Variants in SRL observed in about 807,000 individuals in gnomAD.
The protein encoded by SRL is sarcalumenin.
SRL carries 23 observed loss-of-function variants against 39.5 expected under a neutral mutation model. That is an observed-to-expected ratio of 0.58 (90% CI 0.42 to 0.82). The LOEUF (loss-of-function observed/expected upper bound fraction) is 0.82. Ranked by LOEUF, SRL falls within the 40% of genes least tolerant of loss-of-function variation. SRL has a pLI of 0.00. For missense variants in SRL, 592 were observed against 607.8 expected, an observed-to-expected ratio of 0.97 and a Z score of 0.27; for synonymous variants, 272 against 237.4, an observed-to-expected ratio of 1.15 and a Z score of -1.34.
intron 1 of SRL, among the ~76,000 whole-genome samples, chr16:4,206,175 GC>G (rs1343354488): frequency 6.6e-6 from 1 of 152,124 alleles, no homozygotes; most frequent in Non-Finnish European, 1.5e-5. Context: ...CTGGCCCCGA[GC>G]CCTTTGAGGG....
Position 4,228,657 on chromosome 16 carries a change from C to T in SRL, c.61+13350G>A, listed in dbSNP as rs2052623459. On this transcript the variant is annotated intron_variant, in intron 1 of 5. Coordinates refer to ENST00000399609, the MANE Select transcript of SRL (RefSeq NM_001098814.2). ...GGTTGAGGCAGGAGAATGGAGTGAA[C>T]CCAGGAGGCGGAGCTTGCAGTGAGC... is the stretch of plus-strand genomic sequence containing the variant. Among the ~76,000 whole-genome samples the T allele has an allele frequency of 2.0e-5, 3 of 152,062 alleles. No homozygotes were observed. The South Asian group carries it at 6.2e-4, about 32-fold the overall frequency.
intron 3 of SRL, among the ~76,000 whole-genome samples, chr16:4,198,257 C>T (rs114405956): frequency 0.011 from 1,640 of 152,288 alleles, 23 homozygotes; most frequent in African/African-American, 0.036. Context: ...GAAAGGAGGA[C>T]GGAGCTTCCA....
At chr16:4,217,840 C>G (rs932754194) in intron 1 of SRL, among the ~76,000 whole-genome samples, 1 of 152,150 alleles carries the variant, frequency 6.6e-6, no homozygotes, top group Non-Finnish European at 1.5e-5. Context: ...GGACAGGAGC[C>G]GAGCCAGCTG....
chr16:4,207,315 TG>T (rs1207481159), intron 1 of SRL: 3 of 456,712 alleles, frequency 6.6e-6, no homozygotes, highest in Non-Finnish European at 1.3e-5. Flanking sequence ...CTTAACGCTT[TG>T]GGCGCCCCCA....
intron 1 of SRL, among the ~76,000 whole-genome samples, chr16:4,222,814 C>T (rs541906403): frequency 2.7e-4 from 41 of 152,228 alleles, no homozygotes; most frequent in African/African-American, 7.9e-4. Context: ...CAATTCCTGG[C>T]GAGATGCGGT....
intron 1 of SRL, among the ~76,000 whole-genome samples, chr16:4,218,934 A>C (rs11863701): frequency 0.14 from 21,245 of 152,312 alleles, 2,709 homozygotes; most frequent in African/African-American, 0.34. Flanking sequence ...CTGCCTAGAC[A>C]CCAAAAGGCC....
chr16:4,218,760 C>CGT (rs2052489075), intron 1 of SRL, among the ~76,000 whole-genome samples: 1 of 152,258 alleles, frequency 6.6e-6, no homozygotes, highest in Non-Finnish European at 1.5e-5. Context: ...TGTCCTCAGC[C>CGT]ATCTCTCCTA....
chr16:4,203,317 C>T, intron 2 of SRL, 56 bp from the exon 3 acceptor site: 1 of 1,503,696 alleles, frequency 6.7e-7, no homozygotes, highest in Non-Finnish European at 9.2e-7. Flanking sequence ...CCAGGCAGCT[C>T]CTCCATTGTG....
intron 5 of SRL, among the ~76,000 whole-genome samples, chr16:4,195,250 A>C (rs1383974635): frequency 6.6e-6 from 1 of 152,060 alleles, no homozygotes; most frequent in African/African-American, 2.4e-5. Context: ...AGGCTGGAGT[A>C]GAGTGGCACG....
Position 4,190,222 on chromosome 16 carries a change from C to A in SRL, c.*1931G>T. On this transcript the variant is annotated 3_prime_UTR_variant, in exon 6 of 6. Transcript: ENST00000399609. ...ATAACAATTCTGAGAACCGGGAATT[C>A]CTAACTCGAGGTTCTCCTCATAGAC... The A allele has an allele frequency of 2.5e-6, 1 of 398,658 alleles. No homozygotes were observed. The highest frequency in any genetic ancestry group is 3.6e-5 in the East Asian group (1 of 28,078). The allele number at this position is 398,658 out of a possible 1,614,324, so 24.7% of individuals were successfully genotyped here.
At chr16:4,213,976 C>A (rs752711793) in intron 1 of SRL, among the ~76,000 whole-genome samples, 1 of 152,162 alleles carries the variant, frequency 6.6e-6, no homozygotes, top group Non-Finnish European at 1.5e-5. Context: ...TCCCTGGGAG[C>A]GACCATGACC....
intron 1 of SRL, among the ~76,000 whole-genome samples, chr16:4,219,856 G>T (rs1026442673): frequency 6.6e-6 from 1 of 152,082 alleles, no homozygotes; most frequent in Non-Finnish European, 1.5e-5. Context: ...AGGCATGCAG[G>T]AATGGTTGTC....
At chr16:4,237,317 A>G (rs528819752) in intron 1 of SRL, among the ~76,000 whole-genome samples, 1 of 152,018 alleles carries the variant, frequency 6.6e-6, no homozygotes, top group African/African-American at 2.4e-5. Flanking sequence ...TCTCCCAGTG[A>G]CCTCAATGGA....
intron 5 of SRL, among the ~76,000 whole-genome samples, chr16:4,194,931 GTC>G (rs1289764475): frequency 7.9e-5 from 12 of 151,222 alleles, no homozygotes; most frequent in Non-Finnish European, 1.5e-4. Flanking sequence ...GTCTTGCTGT[GTC>G]ACTAAGGCTG....
chr16:4,241,243 G>A (rs140141423), intron 1 of SRL, among the ~76,000 whole-genome samples: 4 of 152,264 alleles, frequency 2.6e-5, no homozygotes, highest in Admixed American at 6.5e-5. Context: ...GAACAAGAGA[G>A]GTGGCAAAAC....
At position 4,204,700 on chromosome 16, in the gene SRL, C is replaced by T. The variant is rs953398333; in HGVS notation, c.62-66G>A. Reference sequence around the variant, plus strand: ...CAGCCAGCTGAGCTCTGGGCCCCGGCACAGCAGACGAGGGCTGGGCCTCAA... The same window carrying T: ...CAGCCAGCTGAGCTCTGGGCCCCGGTACAGCAGACGAGGGCTGGGCCTCAA... On this transcript the variant is annotated intron_variant, in intron 1 of 5. Transcript: ENST00000399609. 5 of 1,428,086 alleles carry T rather than the reference C, an allele frequency of 3.5e-6. No individual in the cohort carries two copies. In the African/African-American group the frequency reaches 7.0e-5, roughly 20 times the overall value. 88.5% of individuals were successfully genotyped at this position (1,428,086 alleles called of 1,614,324 possible).
chr16:4,225,450 G>T (rs888507215), intron 1 of SRL, among the ~76,000 whole-genome samples: 1 of 151,926 alleles, frequency 6.6e-6, no homozygotes, highest in Admixed American at 6.6e-5. Flanking sequence ...TGGGTGTGGT[G>T]GTGTGCACCT....
chr16:4,193,275 C>T (rs576639606), intron 5 of SRL, among the ~76,000 whole-genome samples: 6 of 152,244 alleles, frequency 3.9e-5, no homozygotes, highest in Non-Finnish European at 7.4e-5. Context: ...TTTAAGAATC[C>T]TCCCACCTCA....
At chr16:4,225,593 T>G (rs1435195197) in intron 1 of SRL, among the ~76,000 whole-genome samples, 1 of 152,110 alleles carries the variant, frequency 6.6e-6, no homozygotes, top group Non-Finnish European at 1.5e-5. Context: ...CTAAAGTGGC[T>G]GATTCTTTTC....
Sources: allele counts gnomAD v4.1 joint callset (sites outside exome capture counted in the v4.1 genomes callset), GRCh38; gene constraint gnomAD v4.1.1; transcripts MANE v1.5; gene names NCBI Gene and HGNC (gene_info 2026-07-23, HGNC 2026-07-21).